The following MBTD1 variants were observed in gnomAD, a reference collection of about 807,000 sequenced individuals.
MBTD1 encodes MBT domain-containing protein 1.
In MBTD1, 24 loss-of-function variants were observed where a neutral mutation model predicts 87.8. The observed-to-expected ratio is 0.27, with a 90% CI of 0.20 to 0.38. The LOEUF (loss-of-function observed/expected upper bound fraction) is 0.38, where lower values mean the gene tolerates loss of function less well. MBTD1 is among the 10% of genes least tolerant of loss of function. MBTD1 has a pLI of 1.00. For missense variants in MBTD1, 436 were observed against 760.2 expected (o/e 0.57, Z 5.02); for synonymous variants, 237 against 248.6 (o/e 0.95, Z 0.44).
chr17:51,225,175 C>G lies in MBTD1; in HGVS notation c.-14G>C. 6.5e-7 allele frequency: 1 copy of G among 1,533,412 alleles called. No individual in the cohort carries two copies. Among genetic ancestry groups the G allele is most frequent in the Non-Finnish European group, 8.8e-7 (1 of 1,138,754 alleles). The allele number at this position is 1,533,412 out of a possible 1,614,324, so 95.0% of individuals were successfully genotyped here. On this transcript the variant is annotated 5_prime_UTR_variant, in exon 3 of 17. Transcript: ENST00000586178. ...ACCGTCAAACATCCCGAAAGAATCTCTTCTTTTCCTTTCAGATCGTGAAGA... is the reference window on the plus strand; with the variant it reads ...ACCGTCAAACATCCCGAAAGAATCTGTTCTTTTCCTTTCAGATCGTGAAGA...
chr17:51,231,557 G>C (rs1049858733), intron 2 of MBTD1, among the ~76,000 whole-genome samples: 1 of 152,146 alleles, frequency 6.6e-6, no homozygotes, highest in Non-Finnish European at 1.5e-5. Flanking sequence ...GGAATATACA[G>C]TATGCAGTCT....
chr17:51,256,384 A>C (rs532050706), intron 2 of MBTD1: 4 of 152,236 alleles, frequency 2.6e-5, no homozygotes, highest in Non-Finnish European at 5.9e-5. Flanking sequence ...CTAAATTATC[A>C]GTGCTAAAGT....
At position 51,237,711 on chromosome 17, in the gene MBTD1, G is replaced by A. The variant is rs554253890; in HGVS notation, c.-48-12502C>T. 5.9e-5 allele frequency among the ~76,000 whole-genome samples: 9 copies of A among 152,338 alleles called. No homozygotes were observed. The East Asian group carries it at 1.7e-3, about 29-fold the overall frequency. ...TGGAACTCTCATACATTGTGGATGAGAATGTAAAATGGTACAAGCATGTTG... is the reference window on the plus strand; with the variant it reads ...TGGAACTCTCATACATTGTGGATGAAAATGTAAAATGGTACAAGCATGTTG... On this transcript the variant is annotated intron_variant, in intron 2 of 16. Coordinates refer to ENST00000586178, the MANE Select transcript of MBTD1 (RefSeq NM_017643.3).
At chr17:51,244,009 T>C (rs1416535896) in intron 2 of MBTD1, among the ~76,000 whole-genome samples, 1 of 152,222 alleles carries the variant, frequency 6.6e-6, no homozygotes, top group Non-Finnish European at 1.5e-5. Flanking sequence ...TCACTGGTGA[T>C]GTTAATGTTG....
At chr17:51,214,083 A>G (rs995626305) in intron 6 of MBTD1, among the ~76,000 whole-genome samples, 21 of 151,892 alleles carry the variant, frequency 1.4e-4, no homozygotes, top group African/African-American at 5.1e-4. Context: ...ACACACATAT[A>G]TATATACATA....
intron 16 of MBTD1, among the ~76,000 whole-genome samples, chr17:51,188,907 C>T (rs953964784): frequency 1.3e-5 from 2 of 151,894 alleles, no homozygotes; most frequent in Admixed American, 1.3e-4. Flanking sequence ...TACAGGCATG[C>T]GCCACCACGC....
intron 6 of MBTD1, among the ~76,000 whole-genome samples, chr17:51,216,239 C>T (rs1001657588): frequency 1.3e-5 from 2 of 152,036 alleles, no homozygotes; most frequent in African/African-American, 4.8e-5. Context: ...GCCTAGAGCC[C>T]TAAGTTAACA....
chr17:51,206,777 A>G (rs982969111), intron 7 of MBTD1, 111 bp downstream of exon 7: 6 of 712,910 alleles, frequency 8.4e-6, no homozygotes, highest in Non-Finnish European at 1.4e-5. Context: ...GCCCTATATC[A>G]TAACATATTT....
At chr17:51,228,990 A>C (rs2053403906) in intron 2 of MBTD1, among the ~76,000 whole-genome samples, 1 of 151,776 alleles carries the variant, frequency 6.6e-6, no homozygotes, top group Non-Finnish European at 1.5e-5. Context: ...CATGTCCCTA[A>C]ACCTAACAAA....
chr17:51,213,079 C>A (rs1330210346), intron 6 of MBTD1, among the ~76,000 whole-genome samples: 4 of 152,046 alleles, frequency 2.6e-5, no homozygotes, highest in African/African-American at 9.7e-5. Context: ...CATTCTGTCA[C>A]CTAGGCTGGA....
chr17:51,199,691 C>T (rs980424487), intron 12 of MBTD1, among the ~76,000 whole-genome samples: 6 of 152,210 alleles, frequency 3.9e-5, no homozygotes, highest in East Asian at 1.9e-4. Flanking sequence ...TCGCCCCCCT[C>T]GGCCTGTTTT....
Position 51,202,004 on chromosome 17 carries a change from C to T in MBTD1, c.1119+18G>A, listed in dbSNP as rs765763200. Reference sequence around the variant, plus strand: ...CAAACCTAATTTACAAATGAGGGTTCTTATAAAAACTTCTTACCTTAGCAA... The same window carrying T: ...CAAACCTAATTTACAAATGAGGGTTTTTATAAAAACTTCTTACCTTAGCAA... On this transcript the variant is annotated intron_variant, in intron 11 of 16. Coordinates refer to ENST00000586178, the MANE Select transcript of MBTD1 (RefSeq NM_017643.3). 7.0e-6 allele frequency: 11 copies of T among 1,568,818 alleles called. No homozygotes were observed. Among genetic ancestry groups the T allele is most frequent in the African/African-American group, 1.4e-5 (1 of 73,976 alleles).
intron 15 of MBTD1, 98 bp from the exon 16 acceptor site, chr17:51,192,378 A>G (rs2145079093): frequency 1.2e-6 from 1 of 832,934 alleles, no homozygotes; most frequent in East Asian, 2.7e-5. Context: ...CTTTACCAAG[A>G]CCATTATACT....
intron 16 of MBTD1, among the ~76,000 whole-genome samples, chr17:51,191,033 G>A (rs549148035): frequency 4.0e-5 from 6 of 151,714 alleles, no homozygotes; most frequent in South Asian, 2.1e-4. Flanking sequence ...TGTAGTGAGC[G>A]GAGATTGTGC....
At chr17:51,252,183 G>A (rs570284465) in intron 2 of MBTD1, among the ~76,000 whole-genome samples, 7 of 152,294 alleles carry the variant, frequency 4.6e-5, no homozygotes, top group Non-Finnish European at 1.0e-4. Flanking sequence ...TAAACCTTAT[G>A]AGTGTCACTC....
chr17:51,190,750 A>AAAAAAAAAAAT (rs1555677185), intron 16 of MBTD1, among the ~76,000 whole-genome samples: 3 of 39,718 alleles, frequency 7.6e-5, no homozygotes, highest in African/African-American at 1.5e-4. Flanking sequence ...AAAAAAAAAA[A>AAAAAAAAAAAT]ATATATATAT....
intron 2 of MBTD1, among the ~76,000 whole-genome samples, chr17:51,237,333 A>G (rs2143948432): frequency 6.6e-6 from 1 of 151,886 alleles, no homozygotes; most frequent in African/African-American, 2.4e-5. Flanking sequence ...AAAAAATTTC[A>G]TAAACTACAT....
chr17:51,237,885 A>G (rs1351205587), intron 2 of MBTD1, among the ~76,000 whole-genome samples: 1 of 152,234 alleles, frequency 6.6e-6, no homozygotes, highest in Non-Finnish European at 1.5e-5. Context: ...TTAAATGCCC[A>G]TCAATAAGGG....
At chr17:51,214,468 G>T (rs1014837875) in intron 6 of MBTD1, among the ~76,000 whole-genome samples, 1 of 152,102 alleles carries the variant, frequency 6.6e-6, no homozygotes, top group African/African-American at 2.4e-5. Flanking sequence ...ATGGAAAGAA[G>T]AATTATATTC....
Sources: allele counts gnomAD v4.1 joint callset (sites outside exome capture counted in the v4.1 genomes callset), GRCh38; gene constraint gnomAD v4.1.1; transcripts MANE v1.5; gene names NCBI Gene and HGNC (gene_info 2026-07-23, HGNC 2026-07-21).